The following SEMA3A variants were observed in gnomAD, a reference collection of about 807,000 sequenced individuals.
SEMA3A encodes semaphorin-3A.
A neutral mutation model predicts 97.9 loss-of-function variants in SEMA3A; 29 were observed. That is an observed-to-expected ratio of 0.30 (90% confidence interval 0.22 to 0.40). The LOEUF is 0.40. Ranked by LOEUF, SEMA3A falls within the 10% of genes least tolerant of loss-of-function variation. The pLI is 1.00. For synonymous variants in SEMA3A, 321 were observed against 323.7 expected, an observed-to-expected ratio of 0.99 and a Z score of 0.09; for missense variants, 763 against 951.3, an observed-to-expected ratio of 0.80 and a Z score of 2.60.
In SEMA3A at chr7:83,960,787, T is replaced by C. The variant is rs1388671786; in HGVS notation, c.*584A>G. ...AAAGAAGACATCAGTAGTAGATCAG[T>C]GTATTCCATTTTTCTTCTGGATGAT... is the stretch of plus-strand genomic sequence containing the variant. On this transcript the variant is annotated 3_prime_UTR_variant, in exon 17 of 17. Transcript: ENST00000265362. 2 of 154,434 alleles carry C rather than the reference T, an allele frequency of 1.3e-5. No individual in the cohort carries two copies. The highest frequency in any genetic ancestry group is 6.4e-5 in the Admixed American group (1 of 15,720). 9.6% of individuals were successfully genotyped at this position (154,434 alleles called of 1,614,324 possible). A position where few individuals can be genotyped will look rare whatever the true frequency, so the allele number is the denominator to read the frequency against.
chr7:84,369,967 G>A (rs762951014), intron 2 of SEMA3A, among the ~76,000 whole-genome samples: 1 of 151,288 alleles, frequency 6.6e-6, no homozygotes, highest in African/African-American at 2.4e-5. Context: ...CTTTTGTCAA[G>A]ATGGAAAGTC....
intron 1 of SEMA3A, among the ~76,000 whole-genome samples, chr7:84,458,255 T>G (rs552759806): frequency 6.6e-6 from 1 of 152,192 alleles, no homozygotes; most frequent in East Asian, 1.9e-4. Flanking sequence ...TTCTGTAGTT[T>G]TTTTGTAAAA....
chr7:84,153,597 T>C (rs2116134790), intron 1 of SEMA3A, among the ~76,000 whole-genome samples: 1 of 152,324 alleles, frequency 6.6e-6, no homozygotes, highest in African/African-American at 2.4e-5. Context: ...CACTATTTTA[T>C]GGTGAATCTT....
intron 3 of SEMA3A, among the ~76,000 whole-genome samples, chr7:84,282,882 C>T (rs1039868812): frequency 3.9e-5 from 6 of 151,964 alleles, no homozygotes; most frequent in African/African-American, 7.2e-5. Flanking sequence ...GGTGTGTTGG[C>T]GGGCACCTGT....
chr7:84,187,414 C>T (rs1320389875), intron 1 of SEMA3A, among the ~76,000 whole-genome samples: 1 of 152,092 alleles, frequency 6.6e-6, no homozygotes, highest in African/African-American at 2.4e-5. Flanking sequence ...CAAAGGAATG[C>T]AATAATTCCT....
At chr7:84,095,470 A>G (rs1365919888) in intron 4 of SEMA3A, among the ~76,000 whole-genome samples, 4 of 148,698 alleles carry the variant, frequency 2.7e-5, no homozygotes, top group Non-Finnish European at 5.9e-5. Flanking sequence ...TTATTTCAAT[A>G]TTTTTTTCTA....
intron 3 of SEMA3A, among the ~76,000 whole-genome samples, chr7:84,303,349 A>G (rs1299529131): frequency 6.6e-6 from 1 of 152,132 alleles, no homozygotes; most frequent in Non-Finnish European, 1.5e-5. Context: ...TGCCCAAGCC[A>G]TCTCTTTTTT....
At chr7:84,297,021 AGGCT>A (rs1800889629) in intron 3 of SEMA3A, among the ~76,000 whole-genome samples, 1 of 152,172 alleles carries the variant, frequency 6.6e-6, no homozygotes, top group South Asian at 2.1e-4. Flanking sequence ...CTTGTTGCCC[AGGCT>A]GGAGTACAAT....
chr7:84,467,959 A>C (rs1034208216), intron 1 of SEMA3A, among the ~76,000 whole-genome samples: 1 of 152,088 alleles, frequency 6.6e-6, no homozygotes, highest in Non-Finnish European at 1.5e-5. Context: ...CAAGGCAGAG[A>C]CTGTTTTTAT....
intron 1 of SEMA3A, among the ~76,000 whole-genome samples, chr7:84,418,859 G>A (rs1804508012): frequency 6.6e-6 from 1 of 151,908 alleles, no homozygotes; most frequent in East Asian, 1.9e-4. Flanking sequence ...CCTTGTAACT[G>A]TGAGTCAATT....
chr7:84,304,276 G>A (rs1292505495), intron 3 of SEMA3A, among the ~76,000 whole-genome samples: 2 of 152,032 alleles, frequency 1.3e-5, no homozygotes, highest in Admixed American at 6.6e-5. Context: ...TGTTTTAAGG[G>A]CTGAATAGTA....
chr7:84,451,455 G>A (rs1261999050), intron 1 of SEMA3A, among the ~76,000 whole-genome samples: 2 of 152,066 alleles, frequency 1.3e-5, no homozygotes, highest in East Asian at 3.9e-4. Flanking sequence ...GATGTTTATA[G>A]CCCTAAAATA....
At chr7:83,980,623 A>AAAAAAAAAAATATATAT (rs1310318006) in intron 14 of SEMA3A, among the ~76,000 whole-genome samples, 7 of 71,758 alleles carry the variant, frequency 9.8e-5, no homozygotes, top group African/African-American at 5.0e-4. Context: ...AAAAAAAAAA[A>AAAAAAAAAAATATATAT]ATATATATAT....
chr7:84,026,172 C>A (rs1000314187), intron 6 of SEMA3A, among the ~76,000 whole-genome samples: 1 of 152,120 alleles, frequency 6.6e-6, no homozygotes, highest in Non-Finnish European at 1.5e-5. Context: ...AGCATAAATA[C>A]ATAAAGTCAT....
intron 3 of SEMA3A, among the ~76,000 whole-genome samples, chr7:84,268,913 T>A (rs763138046): frequency 2.0e-5 from 3 of 152,308 alleles, no homozygotes; most frequent in Middle Eastern, 3.4e-3. Context: ...TTGCTTCTCA[T>A]ACATGAGCCT....
At chr7:84,438,185 A>C (rs964075101) in intron 1 of SEMA3A, among the ~76,000 whole-genome samples, 6 of 152,118 alleles carry the variant, frequency 3.9e-5, no homozygotes, top group African/African-American at 1.4e-4. Flanking sequence ...TCTGTCTACT[A>C]TTGGCACAAA....
chr7:84,134,775 T>C lies in SEMA3A; in HGVS notation c.270+19A>G. 6.4e-7 allele frequency: 1 copy of C among 1,560,420 alleles called. No homozygotes were observed. Among genetic ancestry groups the C allele is most frequent in the Non-Finnish European group, 8.8e-7 (1 of 1,139,384 alleles). ...GATGCTTCAAAATAACTATAGTGCATATATTAGAATACTGATACCTTTTGA... is the reference window on the plus strand; with the variant it reads ...GATGCTTCAAAATAACTATAGTGCACATATTAGAATACTGATACCTTTTGA... On this transcript the variant is annotated intron_variant, in intron 2 of 16. Transcript: ENST00000265362.
At chr7:84,074,384 T>C (rs1793863059) in intron 4 of SEMA3A, among the ~76,000 whole-genome samples, 1 of 152,138 alleles carries the variant, frequency 6.6e-6, no homozygotes, top group Non-Finnish European at 1.5e-5. Flanking sequence ...CAAAGAAATG[T>C]AACCCTGATC....
intron 3 of SEMA3A, among the ~76,000 whole-genome samples, chr7:84,116,894 T>A (rs1324681825): frequency 6.6e-6 from 1 of 152,156 alleles, no homozygotes; most frequent in East Asian, 1.9e-4. Flanking sequence ...AATGGAGTAA[T>A]ACAAACATTA....
Sources: allele counts gnomAD v4.1 joint callset (sites outside exome capture counted in the v4.1 genomes callset), GRCh38; gene constraint gnomAD v4.1.1; transcripts MANE v1.5; gene names NCBI Gene and HGNC (gene_info 2026-07-23, HGNC 2026-07-21).